Variants in EXOC4 observed in about 807,000 individuals in gnomAD.
The protein encoded by EXOC4 is SEC8-like 1.
Under a neutral mutation model 107.2 loss-of-function variants are expected in EXOC4, and 71 were observed. That is an observed-to-expected ratio of 0.66 (90% confidence interval 0.55 to 0.81). The LOEUF (loss-of-function observed/expected upper bound fraction) is 0.81, where lower values mean the gene tolerates loss of function less well. Ranked by LOEUF, EXOC4 falls within the 30% of genes least tolerant of loss-of-function variation. The probability of loss-of-function intolerance (pLI) is 0.00; values close to 1 mark genes in which losing one functional copy is unlikely to be tolerated. For synonymous variants in EXOC4, 456 were observed against 441.2 expected, an observed-to-expected ratio of 1.03 and a Z score of -0.42; for missense variants, 1,108 against 1,189.6, an observed-to-expected ratio of 0.93 and a Z score of 1.01.
chr7:133,791,647 G>A (rs947422609), intron 10 of EXOC4, among the ~76,000 whole-genome samples: 2 of 152,124 alleles, frequency 1.3e-5, no homozygotes, highest in African/African-American at 2.4e-5. Context: ...ATAAGTTCTT[G>A]GTGTGAAAAC....
intron 11 of EXOC4, among the ~76,000 whole-genome samples, chr7:133,829,820 C>A (rs957457269): frequency 3.9e-5 from 6 of 152,100 alleles, no homozygotes; most frequent in Non-Finnish European, 4.4e-5. Flanking sequence ...CAGTTAAAGT[C>A]CTGCTTTGGG....
chr7:133,323,751 T>C (rs1023167668), intron 5 of EXOC4, among the ~76,000 whole-genome samples: 1 of 152,224 alleles, frequency 6.6e-6, no homozygotes, highest in Non-Finnish European at 1.5e-5. Context: ...GATTCCCTCT[T>C]TTTCTGTTGA....
In EXOC4 at chr7:133,253,253, A is replaced by G. The variant is rs531772585; in HGVS notation, c.86+66A>G. The G allele has an allele frequency of 8.6e-5, 136 of 1,575,536 alleles. 2 individuals carry two copies. The South Asian group carries it at 1.5e-3, about 17-fold the overall frequency. ...CGGCTCGACCTCCGCTTTGGAAGGG[A>G]GAAGGGTTAGCTGGGTCCCACCCTG... On this transcript the variant is annotated intron_variant, in intron 1 of 17. Coordinates refer to ENST00000253861, the MANE Select transcript of EXOC4 (RefSeq NM_021807.4).
intron 9 of EXOC4, among the ~76,000 whole-genome samples, chr7:133,564,040 CACTT>C (rs1800859736): frequency 6.6e-6 from 1 of 152,122 alleles, no homozygotes; most frequent in African/African-American, 2.4e-5. Flanking sequence ...AAAGATCACT[CACTT>C]CATAGAAATT....
chr7:133,864,152 A>G (rs1585208006), intron 11 of EXOC4, among the ~76,000 whole-genome samples: 1 of 152,264 alleles, frequency 6.6e-6, no homozygotes, highest in East Asian at 1.9e-4. Context: ...GTTTTTGTCT[A>G]CAGGTTCTGA....
chr7:133,650,937 G>GTGTTTTT (rs1803130151), intron 10 of EXOC4, among the ~76,000 whole-genome samples: 5 of 88,704 alleles, frequency 5.6e-5, no homozygotes, highest in Non-Finnish European at 1.1e-4. Flanking sequence ...AGATTGGTCA[G>GTGTTTTT]TTTTTTTTTT....
At chr7:133,588,940 A>G (rs906040145) in intron 9 of EXOC4, among the ~76,000 whole-genome samples, 2 of 150,632 alleles carry the variant, frequency 1.3e-5, no homozygotes, top group Admixed American at 6.6e-5. Flanking sequence ...GTGTGTGTGT[A>G]TGTATATGTG....
chr7:133,449,444 C>T (rs1798290146), intron 7 of EXOC4, among the ~76,000 whole-genome samples: 1 of 152,160 alleles, frequency 6.6e-6, no homozygotes, highest in Non-Finnish European at 1.5e-5. Context: ...CACCTATGTT[C>T]TGAACTGTCT....
At chr7:133,885,291 T>G (rs1799058259) in intron 11 of EXOC4, among the ~76,000 whole-genome samples, 1 of 147,878 alleles carries the variant, frequency 6.8e-6, no homozygotes, top group Non-Finnish European at 1.5e-5. Context: ...TCCAGCCTGG[T>G]GACAGAGTGA....
chr7:133,277,058 T>C (rs1424100745), intron 2 of EXOC4, among the ~76,000 whole-genome samples: 1 of 151,376 alleles, frequency 6.6e-6, no homozygotes, highest in African/African-American at 2.4e-5. Context: ...GCCTCCCGGG[T>C]TCAAGCGATT....
chr7:133,678,201 C>T (rs1269444964), intron 10 of EXOC4, among the ~76,000 whole-genome samples: 1 of 152,180 alleles, frequency 6.6e-6, no homozygotes, highest in Non-Finnish European at 1.5e-5. Flanking sequence ...GGCCATTTTG[C>T]AGCACCATAG....
At chr7:133,629,447 T>C (rs1802534290) in intron 9 of EXOC4, among the ~76,000 whole-genome samples, 1 of 152,258 alleles carries the variant, frequency 6.6e-6, no homozygotes, top group African/African-American at 2.4e-5. Flanking sequence ...ATTGTAGCCT[T>C]GCACTGTTCC....
At chr7:133,912,741 G>A (rs186000686) in intron 12 of EXOC4, among the ~76,000 whole-genome samples, 8 of 152,272 alleles carry the variant, frequency 5.3e-5, no homozygotes, top group Non-Finnish European at 1.2e-4. Context: ...CATCCAATAT[G>A]GGATTCCAGC....
intron 11 of EXOC4, among the ~76,000 whole-genome samples, chr7:133,859,878 C>T (rs562898248): frequency 6.6e-6 from 1 of 152,186 alleles, no homozygotes; most frequent in African/African-American, 2.4e-5. Context: ...GTCGATGTTG[C>T]TATTGTTTGG....
intron 13 of EXOC4, among the ~76,000 whole-genome samples, chr7:133,923,220 C>A (rs935587137): frequency 6.7e-6 from 1 of 149,434 alleles, no homozygotes; most frequent in Non-Finnish European, 1.5e-5. Flanking sequence ...CTGCCACCTT[C>A]TGGTTTCAAG....
At chr7:133,478,170 T>A (rs1385038954) in intron 8 of EXOC4, among the ~76,000 whole-genome samples, 1 of 151,464 alleles carries the variant, frequency 6.6e-6, no homozygotes, top group African/African-American at 2.4e-5. Flanking sequence ...AATTTAACCT[T>A]CTAAATATGG....
At chr7:133,266,242 T>G (rs1793728825) in intron 1 of EXOC4, among the ~76,000 whole-genome samples, 1 of 152,020 alleles carries the variant, frequency 6.6e-6, no homozygotes, top group Non-Finnish European at 1.5e-5. Flanking sequence ...TTTCCTTTCT[T>G]CTAAGCACAT....
At chr7:133,337,570 A>C (rs1321899698) in intron 5 of EXOC4, among the ~76,000 whole-genome samples, 2 of 148,750 alleles carry the variant, frequency 1.3e-5, no homozygotes, top group Non-Finnish European at 3.0e-5. Context: ...GCATTTTCTT[A>C]TGGCTTTAAA....
chr7:133,782,100 G>T (rs1312280595), intron 10 of EXOC4, among the ~76,000 whole-genome samples: 1 of 152,154 alleles, frequency 6.6e-6, no homozygotes, highest in African/African-American at 2.4e-5. Flanking sequence ...TTGCAGTATT[G>T]TCTGCAACTA....
Sources: gnomAD v4.1 joint callset for allele counts (sites outside exome capture counted in the v4.1 genomes callset) on GRCh38, gnomAD v4.1.1 for gene constraint, MANE v1.5 for transcripts, NCBI Gene and HGNC (gene_info 2026-07-23, HGNC 2026-07-21) for gene names.